Variants in NKAIN3 observed in about 807,000 individuals in gnomAD.
NKAIN3 encodes sodium/potassium transporting ATPase interacting 3, also known as sodium/potassium-transporting ATPase subunit beta-1-interacting protein 3.
NKAIN3 carries 25 observed loss-of-function variants against 30.2 expected under a neutral mutation model. The ratio of observed to expected loss-of-function variants is 0.83; its 90% CI spans 0.60 to 1.16. NKAIN3 has a LOEUF of 1.16. Among genes scored for constraint, NKAIN3 ranks in the 50% most tolerant of loss-of-function variants. The probability of loss-of-function intolerance (pLI) is 0.00; values close to 1 mark genes in which losing one functional copy is unlikely to be tolerated. For synonymous variants in NKAIN3, 91 were observed against 89.6 expected, an observed-to-expected ratio of 1.02 and a Z score of -0.09; for missense variants, 225 against 254.1, an observed-to-expected ratio of 0.89 and a Z score of 0.78.
At chr8:62,986,950 A>G (rs567542265), downstream of NKAIN3, among the ~76,000 whole-genome samples, 4 of 152,288 alleles carry the variant, frequency 2.6e-5, no homozygotes, top group African/African-American at 9.6e-5. Flanking sequence ...TCTTGCTCTT[A>G]TCTAAACATT....
At chr8:62,441,835 T>C (rs1805334251) in intron 1 of NKAIN3, among the ~76,000 whole-genome samples, 1 of 152,062 alleles carries the variant, frequency 6.6e-6, no homozygotes, top group Non-Finnish European at 1.5e-5. Context: ...CTTTAAAAAA[T>C]ATGTACCAAA....
intron 3 of NKAIN3, among the ~76,000 whole-genome samples, chr8:62,623,515 CTGT>C (rs756806097): frequency 3.8e-4 from 58 of 152,108 alleles, no homozygotes; most frequent in Non-Finnish European, 7.4e-4. Flanking sequence ...TCTGAACACA[CTGT>C]TATCTATTAG....
chr8:62,358,117 G>T (rs1251455178), intron 1 of NKAIN3, among the ~76,000 whole-genome samples: 1 of 152,024 alleles, frequency 6.6e-6, no homozygotes, highest in Non-Finnish European at 1.5e-5. Context: ...ATCAAACCTA[G>T]GTAGTGTTCA....
At chr8:62,412,807 G>A (rs928375563) in intron 1 of NKAIN3, among the ~76,000 whole-genome samples, 3 of 151,138 alleles carry the variant, frequency 2.0e-5, no homozygotes, top group Non-Finnish European at 2.9e-5. Flanking sequence ...AGCTACTCGG[G>A]AGGCTGAGGT....
At chr8:62,588,519 T>A (rs1025987653) in intron 2 of NKAIN3, among the ~76,000 whole-genome samples, 1 of 151,776 alleles carries the variant, frequency 6.6e-6, no homozygotes, top group African/African-American at 2.4e-5. Flanking sequence ...TTTTAAAAAT[T>A]CATAAATGAC....
At chr8:62,681,588 G>A (rs1403114570) in intron 3 of NKAIN3, among the ~76,000 whole-genome samples, 2 of 152,154 alleles carry the variant, frequency 1.3e-5, no homozygotes, top group Non-Finnish European at 2.9e-5. Flanking sequence ...GATTAAGTGG[G>A]TTGAAGGCAG....
chr8:62,322,122 C>T (rs140921621), intron 1 of NKAIN3, among the ~76,000 whole-genome samples: 124 of 152,256 alleles, frequency 8.1e-4, no homozygotes, highest in African/African-American at 2.5e-3. Context: ...TAGGACCCTC[C>T]GAGCCAGGCA....
intron 3 of NKAIN3, among the ~76,000 whole-genome samples, chr8:62,651,265 T>C (rs978140000): frequency 1.3e-5 from 2 of 152,218 alleles, no homozygotes; most frequent in African/African-American, 4.8e-5. Flanking sequence ...TTTATATTCA[T>C]ATTTGCATGA....
intron 3 of NKAIN3, among the ~76,000 whole-genome samples, chr8:62,740,461 G>A (rs1438756250): frequency 2.0e-5 from 3 of 151,822 alleles, no homozygotes; most frequent in Non-Finnish European, 4.4e-5. Flanking sequence ...TAAGGAGAAA[G>A]GCAAAAAAAT....
chr8:62,764,985 C>T (rs997204010), intron 4 of NKAIN3, among the ~76,000 whole-genome samples: 1 of 152,084 alleles, frequency 6.6e-6, no homozygotes, highest in Non-Finnish European at 1.5e-5. Context: ...TGGCTCACGC[C>T]TGTAGTCCCA....
chr8:62,388,463 G>C (rs1817491985), intron 1 of NKAIN3, among the ~76,000 whole-genome samples: 1 of 152,204 alleles, frequency 6.6e-6, no homozygotes, highest in Non-Finnish European at 1.5e-5. Flanking sequence ...TGCCTATTCA[G>C]GCCCTAGCAA....
intron 1 of NKAIN3, chr8:62,473,895 A>G (rs796083818): frequency 7.9e-5 from 12 of 152,296 alleles, no homozygotes; most frequent in African/African-American, 2.9e-4. Flanking sequence ...AATAATTTTA[A>G]TATGTCTATT....
chr8:62,569,706 G>T (rs183919819), intron 1 of NKAIN3, among the ~76,000 whole-genome samples: 56 of 151,968 alleles, frequency 3.7e-4, no homozygotes, highest in Non-Finnish European at 6.0e-4. Flanking sequence ...AACCTGGGAG[G>T]CAGAGGTTGC....
chr8:62,792,397 C>T (rs1317095676), intron 4 of NKAIN3, among the ~76,000 whole-genome samples: 3 of 152,086 alleles, frequency 2.0e-5, no homozygotes, highest in Non-Finnish European at 4.4e-5. Flanking sequence ...ATTTATTTAA[C>T]CTATTCTCAA....
At chr8:62,687,874 T>C (rs1813846785) in intron 3 of NKAIN3, among the ~76,000 whole-genome samples, 1 of 152,246 alleles carries the variant, frequency 6.6e-6, no homozygotes, top group South Asian at 2.1e-4. Context: ...CTTTCTCTGA[T>C]TGCTGTTCTG....
chr8:62,649,838 G>C (rs1412763073), intron 3 of NKAIN3, among the ~76,000 whole-genome samples: 1 of 152,104 alleles, frequency 6.6e-6, no homozygotes, highest in Admixed American at 6.6e-5. Context: ...GCAGGGGCTG[G>C]GGGAAGGTTC....
chr8:62,580,696 T>C (rs1765488582), intron 2 of NKAIN3, among the ~76,000 whole-genome samples: 1 of 152,148 alleles, frequency 6.6e-6, no homozygotes, highest in Non-Finnish European at 1.5e-5. Context: ...CACAGAGATA[T>C]AGATAACTGA....
intron 1 of NKAIN3, chr8:62,483,827 T>C: frequency 4.8e-6 from 1 of 206,658 alleles, no homozygotes; most frequent in Admixed American, 5.7e-5. Context: ...AGCTGGAACC[T>C]AGGATCCAGC....
intron 1 of NKAIN3, among the ~76,000 whole-genome samples, chr8:62,546,576 T>C (rs13439208): frequency 0.032 from 4,920 of 152,242 alleles, 218 homozygotes; most frequent in African/African-American, 0.11. Flanking sequence ...AAATGGCCTA[T>C]TGCTTGTGTA....
Sources: gnomAD v4.1 joint callset for allele counts (sites outside exome capture counted in the v4.1 genomes callset) on GRCh38, gnomAD v4.1.1 for gene constraint, MANE v1.5 for transcripts, NCBI Gene and HGNC (gene_info 2026-07-23, HGNC 2026-07-21) for gene names.